The following MN1 variants were observed in gnomAD, a reference collection of about 807,000 sequenced individuals.
MN1 encodes the protein MN1 proto-oncogene, transcriptional regulator.
A neutral mutation model predicts 86.9 loss-of-function variants in MN1; 19 were observed. That is an observed-to-expected ratio of 0.22 (90% CI 0.15 to 0.32). MN1 has a LOEUF of 0.32. Among genes scored for constraint, MN1 ranks in the 10% least tolerant of loss-of-function variants. The pLI is 1.00. For synonymous variants in MN1, 928 were observed against 849.6 expected, an observed-to-expected ratio of 1.09 and a Z score of -1.60; for missense variants, 1,841 against 1,862.0, an observed-to-expected ratio of 0.99 and a Z score of 0.21.
chr22:27,762,757 T>G (rs905364249), intron 1 of MN1, among the ~76,000 whole-genome samples: 7 of 151,706 alleles, frequency 4.6e-5, no homozygotes, highest in Non-Finnish European at 8.8e-5. Flanking sequence ...TGGCAAGTGG[T>G]AAGTCATTCA....
chr22:27,794,411 AAAAC>A (rs1326142601), intron 1 of MN1, among the ~76,000 whole-genome samples: 2 of 152,220 alleles, frequency 1.3e-5, no homozygotes, highest in African/African-American at 4.8e-5. Context: ...CACAGAGTAG[AAAAC>A]AAAGGAGGTC....
In MN1 at chr22:27,751,493, C is replaced by A. The variant is rs931032816; in HGVS notation, c.3782-397G>T. Among the ~76,000 whole-genome samples, 21 of 152,114 alleles carry A rather than the reference C, an allele frequency of 1.4e-4. 1 individual carries two copies. The highest frequency in any genetic ancestry group is 2.9e-5 in the Non-Finnish European group (2 of 68,026). ...TCAAAGGATGTGTAGGAGTTCGCCG[C>A]ATGCAGTGAAAGGGTGGAGGGGAGG... On this transcript the variant is annotated intron_variant, in intron 1 of 1. Coordinates refer to ENST00000302326, the MANE Select transcript of MN1 (RefSeq NM_002430.3).
intron 1 of MN1, among the ~76,000 whole-genome samples, chr22:27,781,756 C>T (rs901242637): frequency 1.1e-4 from 16 of 152,296 alleles, no homozygotes; most frequent in Middle Eastern, 3.4e-3. Flanking sequence ...CAGAGTCACA[C>T]AGCACACGAG....
intron 1 of MN1, among the ~76,000 whole-genome samples, chr22:27,771,418 G>A (rs1227617460): frequency 1.3e-5 from 2 of 151,484 alleles, no homozygotes; most frequent in Non-Finnish European, 2.9e-5. Flanking sequence ...TTGGTAGGGG[G>A]GTCTCACTAT....
chr22:27,754,689 C>T (rs985834014), intron 1 of MN1, among the ~76,000 whole-genome samples: 2 of 152,182 alleles, frequency 1.3e-5, no homozygotes, highest in Non-Finnish European at 2.9e-5. Context: ...ATCAGTCCCA[C>T]GGAAGCCGCC....
At chr22:27,783,496 G>C (rs919656316) in intron 1 of MN1, among the ~76,000 whole-genome samples, 4 of 152,136 alleles carry the variant, frequency 2.6e-5, no homozygotes, top group Non-Finnish European at 5.9e-5. Flanking sequence ...TGGTCTGCAC[G>C]AGGCTTAGCC....
At chr22:27,754,402 C>T (rs922929917) in intron 1 of MN1, among the ~76,000 whole-genome samples, 2 of 152,228 alleles carry the variant, frequency 1.3e-5, no homozygotes, top group African/African-American at 4.8e-5. Context: ...CCCTTCTCCC[C>T]ACCCCAGCAG....
At position 27,798,154 on chromosome 22, in the gene MN1, G is replaced by A. The variant is rs1230266680; in HGVS notation, c.2390C>T (p.Thr797Ile). The change falls in exon 1 of 2, where the codon ACC becomes ATC. Residue 797 changes from threonine (T) to isoleucine (I), a missense_variant. Physicochemically the swap from Thr to Ile is moderately conservative, Grantham distance 89. Transcript: ENST00000302326. Reference sequence around the variant, plus strand: ...GAGCGCGCCCAATTTACTGGCCGAGGTGCGCTGGCTGGGCTGGAAATCAGG... The same window carrying A: ...GAGCGCGCCCAATTTACTGGCCGAGATGCGCTGGCTGGGCTGGAAATCAGG... Reference protein sequence around the residue: ...PQPDFQPSQRTSASKLGALSL... With the variant: ...PQPDFQPSQRISASKLGALSL... 1.9e-6 allele frequency: 3 copies of A among 1,592,438 alleles called. No homozygotes were observed. The highest frequency in any genetic ancestry group is 8.5e-7 in the Non-Finnish European group (1 of 1,173,790).
Position 27,748,674 on chromosome 22 carries a change from G to T in MN1, c.*2241C>A. On this transcript the variant is annotated 3_prime_UTR_variant, in exon 2 of 2. Transcript: ENST00000302326. ...AAATTTAATGAAATAACATCCTTTT[G>T]CTTAAGGCTATTTTTAAAGCTGTTT... 1 of 213,596 alleles carries T rather than the reference G, an allele frequency of 4.7e-6. No homozygotes were observed. The highest frequency in any genetic ancestry group is 9.5e-6 in the Non-Finnish European group (1 of 105,472). The allele number at this position is 213,596 out of a possible 1,614,324, so 13.2% of individuals were successfully genotyped here. A position where few individuals can be genotyped will look rare whatever the true frequency, so the allele number is the denominator to read the frequency against.
In MN1 at chr22:27,798,304, G is replaced by A; in HGVS notation, c.2240C>T (p.Pro747Leu). The A allele has an allele frequency of 6.6e-7, 1 of 1,523,474 alleles. No homozygotes were observed. Among genetic ancestry groups the A allele is most frequent in the Non-Finnish European group, 8.7e-7 (1 of 1,145,178 alleles). 94.4% of individuals were successfully genotyped at this position (1,523,474 alleles called of 1,614,324 possible). A position where few individuals can be genotyped will look rare whatever the true frequency, so the allele number is the denominator to read the frequency against. ...GGACTGCCGGCCGGCTGCACCAAAC[G>A]GAAAGCCCGGCTGGCCCCCGAGCGC... The part of the protein sequence containing the change: ...TSALGGQPGF[P>L]FGAAGRQSTP... The change falls in exon 1 of 2, where the codon CCG (proline) becomes CTG (leucine). Residue 747 changes from proline (P) to leucine (L), a missense_variant. Transcript: ENST00000302326.
At position 27,749,542 on chromosome 22, in the gene MN1, G is replaced by A; in HGVS notation, c.*1373C>T. ...GCAGCACCCAAAGTTGCCTGCCCCT[G>A]CCAACCACCACTCATCTCTGCTCAG... On this transcript the variant is annotated 3_prime_UTR_variant, in exon 2 of 2. Transcript: ENST00000302326. 1 of 232,208 alleles carries A rather than the reference G, an allele frequency of 4.3e-6. No homozygotes were observed. Among genetic ancestry groups the A allele is most frequent in the Non-Finnish European group, 8.5e-6 (1 of 117,418 alleles). The allele number at this position is 232,208 out of a possible 1,614,324, so 14.4% of individuals were successfully genotyped here.
intron 1 of MN1, among the ~76,000 whole-genome samples, chr22:27,772,663 C>T (rs898121102): frequency 6.6e-6 from 1 of 152,104 alleles, no homozygotes; most frequent in Non-Finnish European, 1.5e-5. Context: ...TAGGCTACTT[C>T]CTAGCTCCAT....
At chr22:27,761,516 C>G (rs1308392807) in intron 1 of MN1, among the ~76,000 whole-genome samples, 2 of 152,112 alleles carry the variant, frequency 1.3e-5, no homozygotes, top group African/African-American at 2.4e-5. Flanking sequence ...CGGACAGCCC[C>G]CGCCCCTTAA....
intron 1 of MN1, among the ~76,000 whole-genome samples, chr22:27,782,663 T>C (rs45594732): frequency 0.026 from 3,884 of 152,190 alleles, 173 homozygotes; most frequent in African/African-American, 0.088. Context: ...TCTAGCCCCA[T>C]GAGGCGGGAA....
rs557605198 is a variant in MN1 at position 27,750,175 on chromosome 22, G to A, written c.*740C>T. The stretch of plus-strand genomic sequence containing the variant: ...CCTCACGTCCATCGCAGAGAGGGGC[G>A]GCTTCCAGCAGGAGAAGAGAGAACT... On this transcript the variant is annotated 3_prime_UTR_variant, in exon 2 of 2. Coordinates refer to ENST00000302326, the MANE Select transcript of MN1 (RefSeq NM_002430.3). 13 of 231,512 alleles carry A rather than the reference G, an allele frequency of 5.6e-5. No individual in the cohort carries two copies. The highest frequency in any genetic ancestry group is 1.3e-3 in the Middle Eastern group (1 of 800). The allele number at this position is 231,512 out of a possible 1,614,324, so 14.3% of individuals were successfully genotyped here. A position where few individuals can be genotyped will look rare whatever the true frequency, so the allele number is the denominator to read the frequency against.
chr22:27,799,054 T>C lies in MN1; in HGVS notation c.1490A>G (p.Glu497Gly). The stretch of plus-strand genomic sequence containing the variant: ...GCTGTCGGGCACAGGCGGTGTGAAC[T>C]CGCCGGGTAGGCCTGGGTAGGCGGA... ...SPSAYPGLPG[E>G]FTPPVPDSFP... The change falls in exon 1 of 2, where the codon GAG (glutamate) becomes GGG (glycine). Residue 497 changes from glutamate to glycine, a missense_variant. Physicochemically the swap from Glu to Gly is moderately conservative, Grantham distance 98. Transcript: ENST00000302326. 3 of 1,611,190 alleles carry C rather than the reference T, an allele frequency of 1.9e-6. No homozygotes were observed. Among genetic ancestry groups the C allele is most frequent in the Non-Finnish European group, 2.5e-6 (3 of 1,178,634 alleles).
chr22:27,783,965 G>C (rs954954087), intron 1 of MN1, among the ~76,000 whole-genome samples: 1 of 152,194 alleles, frequency 6.6e-6, no homozygotes, highest in African/African-American at 2.4e-5. Flanking sequence ...TGATGCCGCC[G>C]CAGGCTCCTG....
Position 27,801,439 on chromosome 22 carries a change from G to C in MN1, c.-896C>G, listed in dbSNP as rs1568987120. 1 of 207,306 alleles carries C rather than the reference G, an allele frequency of 4.8e-6. No homozygotes were observed. Among genetic ancestry groups the C allele is most frequent in the South Asian group, 1.9e-4 (1 of 5,340 alleles). 12.8% of individuals were successfully genotyped at this position (207,306 alleles called of 1,614,324 possible). On this transcript the variant is annotated 5_prime_UTR_variant, in exon 1 of 2. Transcript: ENST00000302326. Reference sequence around the variant, plus strand: ...AGTCTCCGCGCACCGTTGCAGGCGCGGGAGGGCAGCGAGACGAGGGGTTGG... The same window carrying C: ...AGTCTCCGCGCACCGTTGCAGGCGCCGGAGGGCAGCGAGACGAGGGGTTGG...
In MN1 at chr22:27,797,415, C is replaced by G; in HGVS notation, c.3129G>C (p.Glu1043Asp). Residue 1043 changes from glutamate (E) to aspartate (D), a missense_variant, in exon 1 of 2, where the codon GAG (glutamate) becomes GAC (aspartate). Coordinates refer to ENST00000302326, the MANE Select transcript of MN1 (RefSeq NM_002430.3). ...KSDSSSPNVG[E>D]FASDEVSTSY... ...TCGTGCTCACCTCGTCCGAGGCGAA[C>G]TCACCCACGTTTGGCGAACTACTGT... 1 of 1,611,484 alleles carries G rather than the reference C, an allele frequency of 6.2e-7. No homozygotes were observed. The highest frequency in any genetic ancestry group is 2.2e-5 in the East Asian group (1 of 44,858).
Sources: gnomAD v4.1 joint callset for allele counts (sites outside exome capture counted in the v4.1 genomes callset) on GRCh38, gnomAD v4.1.1 for gene constraint, MANE v1.5 for transcripts, NCBI Gene and HGNC (gene_info 2026-07-23, HGNC 2026-07-21) for gene names.